The following C12orf42 variants were observed in gnomAD, a reference collection of about 807,000 sequenced individuals.
The protein encoded by C12orf42 is uncharacterized protein C12orf42.
A neutral mutation model predicts 21.6 loss-of-function variants in C12orf42; 25 were observed. The ratio of observed to expected loss-of-function variants is 1.16; its 90% CI spans 0.84 to 1.62. The LOEUF (loss-of-function observed/expected upper bound fraction) is 1.62. C12orf42 is among the 40% of genes most tolerant of loss of function. The pLI is 0.00. For synonymous variants in C12orf42, 174 were observed against 175.0 expected (o/e 0.99, Z 0.05); for missense variants, 483 against 459.3 (o/e 1.05, Z -0.47).
chr12:103,509,233 C>A, the C12orf42 span, among the ~76,000 whole-genome samples: 2 of 152,126 alleles, frequency 1.3e-5, no homozygotes, highest in Non-Finnish European at 2.9e-5. Context: ...TTGAACCTAA[C>A]CTTATGCTTC....
At chr12:103,068,929 C>A in the C12orf42 span, among the ~76,000 whole-genome samples, 1 of 85,954 alleles carries the variant, frequency 1.2e-5, no homozygotes, top group East Asian at 2.9e-4. Context: ...ATATCTCTCT[C>A]TCCACATATA....
At chr12:103,147,830 G>A in the C12orf42 span, among the ~76,000 whole-genome samples, 84 of 151,828 alleles carry the variant, frequency 5.5e-4, no homozygotes, top group African/African-American at 1.9e-3. Flanking sequence ...CAGAAACATG[G>A]GAGAAAAGAT....
At chr12:103,488,543 T>C (rs1474921004) in intron 1 of C12orf42, among the ~76,000 whole-genome samples, 13 of 152,188 alleles carry the variant, frequency 8.5e-5, no homozygotes, top group African/African-American at 3.1e-4. Flanking sequence ...TCCTGAAGAG[T>C]GTTTTCCAAC....
At chr12:103,252,572 G>T (rs185914198) in intron 10 of C12orf42, among the ~76,000 whole-genome samples, 2 of 152,230 alleles carry the variant, frequency 1.3e-5, no homozygotes, top group Admixed American at 1.3e-4. Flanking sequence ...TCATATGTTT[G>T]TTGGCCACAT....
chr12:103,432,361 C>T (rs1417521939), intron 2 of C12orf42, among the ~76,000 whole-genome samples: 1 of 152,176 alleles, frequency 6.6e-6, no homozygotes, highest in Non-Finnish European at 1.5e-5. Flanking sequence ...AGAGGCAGTT[C>T]AACAACCACC....
chr12:103,411,585 C>T (rs1345754426), intron 2 of C12orf42, among the ~76,000 whole-genome samples: 1 of 152,120 alleles, frequency 6.6e-6, no homozygotes, highest in African/African-American at 2.4e-5. Flanking sequence ...GGGTGGAGCC[C>T]TCATGAATAG....
chr12:103,064,426 G>A, the C12orf42 span, among the ~76,000 whole-genome samples: 3 of 152,254 alleles, frequency 2.0e-5, no homozygotes, highest in Non-Finnish European at 2.9e-5. Flanking sequence ...TAGAGTTCTG[G>A]CATTGACTAA....
chr12:103,125,523 A>T, the C12orf42 span, among the ~76,000 whole-genome samples: 1 of 152,196 alleles, frequency 6.6e-6, no homozygotes, highest in South Asian at 2.1e-4. Flanking sequence ...TTTTTAAAAA[A>T]GCTATATAAG....
At chr12:103,508,667 G>A in the C12orf42 span, among the ~76,000 whole-genome samples, 1 of 151,988 alleles carries the variant, frequency 6.6e-6, no homozygotes, top group African/African-American at 2.4e-5. Context: ...TTATTTGCTG[G>A]AAATTACAGT....
At chr12:103,188,079 T>C in the C12orf42 span, among the ~76,000 whole-genome samples, 1 of 152,184 alleles carries the variant, frequency 6.6e-6, no homozygotes, top group Admixed American at 6.5e-5. Context: ...CAATCTCATC[T>C]TCAGCTTCAG....
At chr12:103,146,610 A>AAGAAAGAT in the C12orf42 span, among the ~76,000 whole-genome samples, 748 of 147,800 alleles carry the variant, frequency 5.1e-3, 6 homozygotes, top group South Asian at 0.013. Context: ...GAAAGAAAGA[A>AAGAAAGAT]AAAGAAAAGT....
chr12:103,515,932 A>G, the C12orf42 span, among the ~76,000 whole-genome samples: 1 of 152,334 alleles, frequency 6.6e-6, no homozygotes, highest in East Asian at 1.9e-4. Context: ...TTTGTACTCT[A>G]GCTAATGTCA....
chr12:103,481,040 T>C (rs574540922), intron 1 of C12orf42, among the ~76,000 whole-genome samples: 41 of 151,794 alleles, frequency 2.7e-4, no homozygotes, highest in Non-Finnish European at 4.3e-4. Context: ...TCAATTTTTA[T>C]AATTTTGAGA....
At chr12:103,419,303 T>C (rs551488438) in intron 2 of C12orf42, among the ~76,000 whole-genome samples, 6 of 152,332 alleles carry the variant, frequency 3.9e-5, no homozygotes, top group South Asian at 2.1e-4. Flanking sequence ...CATCATGTTT[T>C]AAGCAAAGGT....
At chr12:103,411,545 TG>T (rs1305051110) in intron 2 of C12orf42, among the ~76,000 whole-genome samples, 1 of 152,166 alleles carries the variant, frequency 6.6e-6, no homozygotes, top group Non-Finnish European at 1.5e-5. Context: ...CATTAAGAAG[TG>T]GGGTCTTTGG....
At chr12:103,180,552 C>T in the C12orf42 span, among the ~76,000 whole-genome samples, 6 of 147,406 alleles carry the variant, frequency 4.1e-5, no homozygotes, top group African/African-American at 1.5e-4. Context: ...AGGACTCACA[C>T]CTTCTGTGAT....
intron 4 of C12orf42, among the ~76,000 whole-genome samples, chr12:103,292,139 G>A (rs1420827880): frequency 1.3e-5 from 2 of 152,108 alleles, no homozygotes; most frequent in Non-Finnish European, 2.9e-5. Flanking sequence ...ACCTTAAAAA[G>A]TCATGCTAAG....
intron 4 of C12orf42, among the ~76,000 whole-genome samples, chr12:103,287,766 ATTCT>A (rs2036566190): frequency 6.6e-6 from 1 of 151,926 alleles, no homozygotes. Flanking sequence ...AAAATCAGAA[ATTCT>A]AAACCTACGC....
intron 4 of C12orf42, among the ~76,000 whole-genome samples, chr12:103,323,677 T>C (rs1183691219): frequency 6.6e-6 from 1 of 152,244 alleles, no homozygotes; most frequent in Non-Finnish European, 1.5e-5. Flanking sequence ...CTCGAATATG[T>C]AAAAGTAGAT....
Sources: gnomAD v4.1 joint callset for allele counts (sites outside exome capture counted in the v4.1 genomes callset) on GRCh38, gnomAD v4.1.1 for gene constraint, MANE v1.5 for transcripts, NCBI Gene and HGNC (gene_info 2026-07-23, HGNC 2026-07-21) for gene names.